Variants in THRB observed in about 807,000 individuals in gnomAD.
THRB encodes nuclear receptor subfamily 1 group A member 2.
A neutral mutation model predicts 47.8 loss-of-function variants in THRB; 12 were observed. That is an observed-to-expected ratio of 0.25 (90% CI 0.16 to 0.41). The LOEUF is 0.41. Among genes scored for constraint, THRB ranks in the 10% least tolerant of loss-of-function variants. The pLI is 1.00. For synonymous variants in THRB, 218 were observed against 212.2 expected (o/e 1.03, Z -0.24); for missense variants, 348 against 589.2 (o/e 0.59, Z 4.24).
chr3:24,263,461 T>C (rs938267520), intron 3 of THRB, among the ~76,000 whole-genome samples: 1 of 152,168 alleles, frequency 6.6e-6, no homozygotes, highest in African/African-American at 2.4e-5. Flanking sequence ...TTTAAAATTA[T>C]ATTATGATGT....
At chr3:24,144,773 A>G (rs2035883670) in intron 7 of THRB, 1 of 152,090 alleles carries the variant, frequency 6.6e-6, no homozygotes, top group African/African-American at 2.4e-5. Context: ...ATTGATCCAG[A>G]GAGGTCGTGA....
intron 3 of THRB, among the ~76,000 whole-genome samples, chr3:24,229,531 A>C (rs556767737): frequency 4.3e-4 from 65 of 152,202 alleles, no homozygotes; most frequent in Admixed American, 8.5e-4. Context: ...TCATCTGCCC[A>C]TTTATGACTT....
intron 5 of THRB, among the ~76,000 whole-genome samples, chr3:24,162,195 A>G (rs2038962012): frequency 1.3e-5 from 2 of 151,898 alleles, no homozygotes; most frequent in African/African-American, 4.8e-5. Flanking sequence ...TTAAAGAAAG[A>G]AAAGAGAAAA....
rs551752039 is a variant in THRB at position 24,190,022 on chromosome 3, A to AT, written c.283+51dup. 3.3e-5 allele frequency: 52 copies of AT among 1,558,642 alleles called. No homozygotes were observed. The East Asian group carries it at 3.4e-4, about 10-fold the overall frequency. On this transcript the variant is annotated intron_variant, in intron 5 of 10. Transcript: ENST00000646209. ...TGAAGTACACAGCTACAACAGGGAT[A>AT]TTTTTTTTCTTGTTGAAACACATGA...
rs1235937444 is a variant in THRB at position 24,190,233 on chromosome 3, G to T, written c.124C>A (p.His42Asn). The T allele has an allele frequency of 6.2e-7, 1 of 1,614,052 alleles. No individual in the cohort carries two copies. The highest frequency in any genetic ancestry group is 8.5e-7 in the Non-Finnish European group (1 of 1,179,972). ...TTCAACGTGCTGCGCCTCTCTGAAT[G>T]GCTCTTCCTATGTAGGCAGGCTTCA... ...MSEACLHRKSHSERRSTLKNE... is the reference protein window; with the variant it reads ...MSEACLHRKSNSERRSTLKNE... The change falls in exon 5 of 11, where the codon CAT (histidine) becomes AAT (asparagine). Residue 42 changes from histidine to asparagine, a missense_variant. His to Asn is a moderately conservative substitution (Grantham distance 68). Transcript: ENST00000646209.
At chr3:24,353,140 T>C (rs963997101) in intron 1 of THRB, among the ~76,000 whole-genome samples, 1 of 152,010 alleles carries the variant, frequency 6.6e-6, no homozygotes, top group African/African-American at 2.4e-5. Flanking sequence ...CCAAGTATAT[T>C]TGCATAAAGA....
chr3:24,491,042 G>T (rs972054264), intron 1 of THRB, among the ~76,000 whole-genome samples: 1 of 152,124 alleles, frequency 6.6e-6, no homozygotes, highest in Non-Finnish European at 1.5e-5. Context: ...ATACTAGTTG[G>T]CAAGCACCAT....
At chr3:24,383,006 TCA>T (rs1262972915) in intron 1 of THRB, among the ~76,000 whole-genome samples, 1 of 152,146 alleles carries the variant, frequency 6.6e-6, no homozygotes. Flanking sequence ...CTAGTCTAAC[TCA>T]GTCTTCCATT....
intron 1 of THRB, among the ~76,000 whole-genome samples, chr3:24,442,698 C>A (rs1035793498): frequency 6.6e-6 from 1 of 152,044 alleles, no homozygotes; most frequent in Non-Finnish European, 1.5e-5. Flanking sequence ...GTGGCGCATG[C>A]CTGTAATCCC....
chr3:24,347,689 G>A (rs867072229), intron 1 of THRB, among the ~76,000 whole-genome samples: 8 of 150,576 alleles, frequency 5.3e-5, no homozygotes, highest in Middle Eastern at 3.4e-3. Flanking sequence ...AAAAAGATAA[G>A]GGGATACATG....
chr3:24,205,856 C>A (rs2045279086), intron 4 of THRB, among the ~76,000 whole-genome samples: 1 of 152,162 alleles, frequency 6.6e-6, no homozygotes. Context: ...CAATCCTAGT[C>A]TCCAATAAAA....
intron 2 of THRB, among the ~76,000 whole-genome samples, chr3:24,315,286 C>T (rs1348444776): frequency 6.6e-6 from 1 of 152,230 alleles, no homozygotes; most frequent in Non-Finnish European, 1.5e-5. Flanking sequence ...GACCTGCCGA[C>T]ATCGCTACAT....
chr3:24,250,743 A>C (rs2050582951), intron 3 of THRB, among the ~76,000 whole-genome samples: 1 of 152,136 alleles, frequency 6.6e-6, no homozygotes, highest in Non-Finnish European at 1.5e-5. Context: ...ACCCTGTAGA[A>C]AATTCAAGGA....
chr3:24,144,154 T>C (rs981803059), intron 7 of THRB: 1 of 189,122 alleles, frequency 5.3e-6, no homozygotes, highest in African/African-American at 2.3e-5. Flanking sequence ...AGAAACGTTA[T>C]GGAATTAAAA....
At position 24,299,766 on chromosome 3, in the gene THRB, C is replaced by CTTTTTTTTTTTTTTTTTTTTTTTTTT. The variant is rs1360367092; in HGVS notation, c.-188-2396_-188-2395insAAAAAAAAAAAAAAAAAAAAAAAAAA. Among the ~76,000 whole-genome samples, 3 of 58,574 alleles carry CTTTTTTTTTTTTTTTTTTTTTTTTTT rather than the reference C, an allele frequency of 5.1e-5. 1 individual carries two copies. The highest frequency in any genetic ancestry group is 6.6e-4 in the East Asian group (1 of 1,524). The allele number at this position is 58,574 out of a possible 152,430, so 38.4% of individuals were successfully genotyped here. ...GCCTTGAGGCTTCTGGGGAAGTATG[C>CTTTTTTTTTTTTTTTTTTTTTTTTTT]TTTTTTATTTATTTATTTATTTATT... is the stretch of plus-strand genomic sequence containing the variant. On this transcript the variant is annotated intron_variant, in intron 2 of 10. Transcript: ENST00000646209.
intron 3 of THRB, among the ~76,000 whole-genome samples, chr3:24,287,246 G>C (rs969822939): frequency 6.6e-6 from 1 of 152,098 alleles, no homozygotes; most frequent in African/African-American, 2.4e-5. Flanking sequence ...CCTTTAAGCA[G>C]ATCTGAGACC....
chr3:24,179,417 A>G (rs1363621047), intron 5 of THRB, among the ~76,000 whole-genome samples: 1 of 152,228 alleles, frequency 6.6e-6, no homozygotes, highest in Non-Finnish European at 1.5e-5. Context: ...AATAATATGT[A>G]TATATGCAAA....
chr3:24,328,047 G>A (rs960141066), intron 2 of THRB, among the ~76,000 whole-genome samples: 1 of 152,038 alleles, frequency 6.6e-6, no homozygotes, highest in Non-Finnish European at 1.5e-5. Context: ...AGTGAAAAAT[G>A]TCCAACCTTA....
chr3:24,460,547 T>C (rs2073601068), intron 1 of THRB, among the ~76,000 whole-genome samples: 1 of 152,190 alleles, frequency 6.6e-6, no homozygotes, highest in South Asian at 2.1e-4. Flanking sequence ...TTTAATCTAC[T>C]GTAATTAAAG....
Sources: allele counts gnomAD v4.1 joint callset (sites outside exome capture counted in the v4.1 genomes callset), GRCh38; gene constraint gnomAD v4.1.1; transcripts MANE v1.5; gene names NCBI Gene and HGNC (gene_info 2026-07-23, HGNC 2026-07-21).